ADGRD1: variants seen among roughly 807,000 people sequenced by gnomAD.
The protein encoded by ADGRD1 is adhesion G protein-coupled receptor D1, also known as G-protein coupled receptor 133.
In ADGRD1, 77 loss-of-function variants were observed where a neutral mutation model predicts 113.4. The ratio of observed to expected loss-of-function variants is 0.68; its 90% CI spans 0.57 to 0.82. ADGRD1 has a LOEUF of 0.82. ADGRD1 is among the 40% of genes least tolerant of loss of function. The probability of loss-of-function intolerance (pLI) is 0.00; values close to 1 mark genes in which losing one functional copy is unlikely to be tolerated. For synonymous variants in ADGRD1, 474 were observed against 475.0 expected (o/e 1.00, Z 0.03); for missense variants, 1,036 against 1,139.1 (o/e 0.91, Z 1.30).
intron 16 of ADGRD1, among the ~76,000 whole-genome samples, 182 bp downstream of exon 16, chr12:131,105,116 A>G (rs1340267890): frequency 6.6e-6 from 1 of 152,214 alleles, no homozygotes; most frequent in Non-Finnish European, 1.5e-5. Flanking sequence ...CGAGCCAGGC[A>G]AAAGGGGATG....
Position 130,984,935 on chromosome 12 carries a change from TTCTC to T in ADGRD1, c.491-2156_491-2153del, listed in dbSNP as rs770956672. ...ACTCTCTCTCTCCTCTCTTCTCTCT[TTCTC>T]TCTTTCTTTCTTTTTCTTTCTGACA... On this transcript the variant is annotated intron_variant, in intron 5 of 24. Coordinates refer to ENST00000261654, the MANE Select transcript of ADGRD1 (RefSeq NM_198827.5). This position sits in a 1 kb window ranked among gnomAD's most constrained non-coding sequence, Gnocchi z 4.1. Among the ~76,000 whole-genome samples the T allele has an allele frequency of 8.6e-5, 13 of 151,316 alleles. No homozygotes were observed. The highest frequency in any genetic ancestry group is 1.6e-4 in the Non-Finnish European group (11 of 67,854).
At chr12:131,070,855 C>T (rs777075261) in intron 13 of ADGRD1, 5 of 518,936 alleles carry the variant, frequency 9.6e-6, no homozygotes, top group South Asian at 7.0e-5. Flanking sequence ...CCCATGTGGT[C>T]ATGGAGTGTC....
chr12:131,014,009 T>A (rs1449047189), intron 12 of ADGRD1, among the ~76,000 whole-genome samples, 190 bp from the exon 13 acceptor site: 1 of 152,196 alleles, frequency 6.6e-6, no homozygotes, highest in Non-Finnish European at 1.5e-5. Flanking sequence ...ATAGTTGAAC[T>A]CGCCTGCAGG....
chr12:131,052,470 T>C (rs1234102112), intron 13 of ADGRD1, among the ~76,000 whole-genome samples: 2 of 152,236 alleles, frequency 1.3e-5, no homozygotes, highest in East Asian at 3.8e-4. Flanking sequence ...TCCTGAGGGC[T>C]CTTGCTTCAC....
rs192657788 is a variant in ADGRD1 at position 131,084,466 on chromosome 12, G to A, written c.1548-74G>A. 236 of 1,545,178 alleles carry A rather than the reference G, an allele frequency of 1.5e-4. 1 individual carries two copies. In the African/African-American group the frequency reaches 2.7e-3, roughly 18 times the overall value. ...AGTTCACGGGGCCATGTGTTATGGG[G>A]GGTGCTGCTCTCAGTCCCCTGCCTG... On this transcript the variant is annotated intron_variant, in intron 14 of 24. Transcript: ENST00000261654. The surrounding 1 kb of genome is among the most constrained non-coding windows in gnomAD (Gnocchi z 4.5).
At chr12:131,065,168 A>G (rs1884618645) in intron 13 of ADGRD1, among the ~76,000 whole-genome samples, 1 of 152,154 alleles carries the variant, frequency 6.6e-6, no homozygotes, top group Admixed American at 6.5e-5. Context: ...CTGCTCTGCA[A>G]ATCTTAAATG....
intron 13 of ADGRD1, among the ~76,000 whole-genome samples, chr12:131,048,583 G>A (rs1369936993): frequency 1.3e-5 from 2 of 152,208 alleles, no homozygotes; most frequent in Non-Finnish European, 2.9e-5. Context: ...TTTGCGGGGC[G>A]GACGGCCCAG....
chr12:131,097,515 C>G (rs1052137974), intron 15 of ADGRD1, among the ~76,000 whole-genome samples: 1 of 152,330 alleles, frequency 6.6e-6, no homozygotes, highest in South Asian at 2.1e-4. Flanking sequence ...GGACCCAGCC[C>G]GGGGGAGGCT....
rs970968413 is a variant in ADGRD1, at chr12:130,966,544, G to C, written c.185G>C (p.Gly62Ala). 3.1e-6 allele frequency: 5 copies of C among 1,600,678 alleles called. No homozygotes were observed. In the African/African-American group the frequency reaches 5.4e-5, roughly 17 times the overall value. ...DGIHELQDTT[G>A]DIVEGKVNKG... is the part of the protein sequence containing the mutation. ...ATCCATGAACTTCAGGATACAACTG[G>C]AGGTAGAGACGCGGGTGCTGAGAGC... is the stretch of plus-strand genomic sequence containing the variant. Residue 62 changes from glycine to alanine, a missense_variant and splice_region_variant, in exon 3 of 25, where the codon GGA becomes GCA. By Grantham distance (60) the Gly-to-Ala change is moderately conservative (BLOSUM62 0). Transcript: ENST00000261654. The surrounding 1 kb of genome is among the most constrained non-coding windows in gnomAD (Gnocchi z 4.6).
At position 131,084,417 on chromosome 12, in the gene ADGRD1, G is replaced by A. The variant is rs575691866; in HGVS notation, c.1548-123G>A. 27 of 983,596 alleles carry A rather than the reference G, an allele frequency of 2.7e-5. No individual in the cohort carries two copies. The highest frequency in any genetic ancestry group is 9.8e-5 in the East Asian group (4 of 40,962). The allele number at this position is 983,596 out of a possible 1,614,324, so 60.9% of individuals were successfully genotyped here. ...CACGGTCTGGGTGTGCATTCCTGGC[G>A]TGGCAGGTGTGGGCGCCGCCATGAG... On this transcript the variant is annotated intron_variant, in intron 14 of 24. Coordinates refer to ENST00000261654, the MANE Select transcript of ADGRD1 (RefSeq NM_198827.5). This position sits in a 1 kb window ranked among gnomAD's most constrained non-coding sequence, Gnocchi z 4.5.
chr12:130,973,775 C>T (rs1871969293), intron 4 of ADGRD1, among the ~76,000 whole-genome samples: 1 of 144,102 alleles, frequency 6.9e-6, no homozygotes, highest in African/African-American at 2.5e-5. Flanking sequence ...GTTCATGTGG[C>T]CACTTTCTTT....
intron 13 of ADGRD1, among the ~76,000 whole-genome samples, chr12:131,021,459 T>G (rs1050144472): frequency 3.9e-5 from 6 of 152,220 alleles, no homozygotes; most frequent in Non-Finnish European, 7.3e-5. Flanking sequence ...GCCGATGCTG[T>G]GCGTCTTTGA....
intron 13 of ADGRD1, among the ~76,000 whole-genome samples, chr12:131,045,729 G>A (rs1882630772): frequency 6.6e-6 from 1 of 152,160 alleles, no homozygotes; most frequent in African/African-American, 2.4e-5. Context: ...TCATTCCGAA[G>A]ATCATGCTTT....
At chr12:131,020,607 C>T (rs928759370) in intron 13 of ADGRD1, among the ~76,000 whole-genome samples, 5 of 152,220 alleles carry the variant, frequency 3.3e-5, no homozygotes, top group South Asian at 2.1e-4. Context: ...CAGGTCTGAA[C>T]GAGGCAGTTG....
intron 15 of ADGRD1, among the ~76,000 whole-genome samples, chr12:131,097,217 C>T (rs903569887): frequency 1.5e-4 from 23 of 152,174 alleles, no homozygotes; most frequent in Admixed American, 1.4e-3. Context: ...ACAAGCTGTG[C>T]GGCCAGGGGA....
At position 131,136,148 on chromosome 12, in the gene ADGRD1, G is replaced by T. The variant is rs761283168; in HGVS notation, c.2379G>T (p.Thr793=). Residue 793 remains threonine (T), a synonymous_variant, in exon 22 of 25, where the codon ACG becomes ACT. Coordinates refer to ENST00000261654, the MANE Select transcript of ADGRD1 (RefSeq NM_198827.5). ...TGGTTTTCCAGTACATGTTTGCCAC[G>T]CTCAACTCCCTGCAGGTGAGAGCCG... is the stretch of plus-strand genomic sequence containing the variant. The part of the protein sequence containing the change: ...CAVVFQYMFA[T]LNSLQGLFIF... The T allele has an allele frequency of 1.2e-6, 2 of 1,614,082 alleles. No individual in the cohort carries two copies. Among genetic ancestry groups the T allele is most frequent in the South Asian group, 1.1e-5 (1 of 91,070 alleles).
chr12:131,121,793 ATCT>A (rs1950601319), intron 20 of ADGRD1, among the ~76,000 whole-genome samples: 1 of 152,040 alleles, frequency 6.6e-6, no homozygotes, highest in Non-Finnish European at 1.5e-5. Context: ...CTCGTCCCTC[ATCT>A]TCTCTGCCTC....
At chr12:131,117,536 G>C (rs538229572) in intron 18 of ADGRD1, among the ~76,000 whole-genome samples, 3 of 152,286 alleles carry the variant, frequency 2.0e-5, no homozygotes, top group Admixed American at 1.3e-4. Context: ...GTAGAAAAGA[G>C]AGTTTCTTCT....
Position 131,003,200 on chromosome 12 carries a change from C to T in ADGRD1, c.1042C>T (p.Leu348=). 6.2e-7 allele frequency: 1 copy of T among 1,613,510 alleles called. No homozygotes were observed. Among genetic ancestry groups the T allele is most frequent in the Non-Finnish European group, 8.5e-7 (1 of 1,179,550 alleles). ...IALSEDSAVV[L]SLIDTIDTVM... ...GTTGCTGCAGGACAGCGCCGTGGTA[C>T]TGAGTCTCATCGACACTATTGACAC... is the stretch of plus-strand genomic sequence containing the variant. The change falls in exon 10 of 25, where the codon CTG becomes TTG. Residue 348 remains leucine, a synonymous_variant. Transcript: ENST00000261654. The surrounding 1 kb of genome is among the most constrained non-coding windows in gnomAD (Gnocchi z 4.8).
Sources: gnomAD v4.1 joint callset for allele counts (sites outside exome capture counted in the v4.1 genomes callset) on GRCh38, gnomAD v4.1.1 for gene constraint, Gnocchi (gnomAD v3.1) non-coding constraint, MANE v1.5 for transcripts, NCBI Gene and HGNC (gene_info 2026-07-23, HGNC 2026-07-21) for gene names.